Variants in UMAD1 observed in about 807,000 individuals in gnomAD.
UMAD1 encodes UBAP1-MVB12-associated (UMA) domain containing 1, also known as UBAP1-MVB12-associated (UMA)-domain containing protein 1.
UMAD1 carries 8 observed loss-of-function variants against 6.1 expected under a neutral mutation model. That is an observed-to-expected ratio of 1.30 (90% CI 0.76 to 2.35). The LOEUF (loss-of-function observed/expected upper bound fraction) is 2.35. Among genes scored for constraint, UMAD1 ranks in the 30% most tolerant of loss-of-function variants. The pLI is 0.00. For synonymous variants in UMAD1, 56 were observed against 31.4 expected, an observed-to-expected ratio of 1.78 and a Z score of -2.61; for missense variants, 130 against 78.4, an observed-to-expected ratio of 1.66 and a Z score of -2.49.
chr7:7,861,580 T>C (rs1485595328), intron 3 of UMAD1, among the ~76,000 whole-genome samples: 1 of 152,232 alleles, frequency 6.6e-6, no homozygotes, highest in African/African-American at 2.4e-5. Flanking sequence ...CATTGGAATT[T>C]AATTAGTCTA....
At chr7:7,764,646 C>T (rs778221612) in intron 2 of UMAD1, among the ~76,000 whole-genome samples, 4 of 152,190 alleles carry the variant, frequency 2.6e-5, no homozygotes, top group South Asian at 4.2e-4. Context: ...GTAACAGTGC[C>T]GGAATTGATT....
chr7:7,731,796 A>G (rs554832632), intron 2 of UMAD1, among the ~76,000 whole-genome samples: 40 of 152,342 alleles, frequency 2.6e-4, no homozygotes, highest in Middle Eastern at 3.4e-3. Context: ...AATGTGTAAA[A>G]GAAGCCTTAA....
chr7:7,793,572 G>T (rs973087795), intron 2 of UMAD1, among the ~76,000 whole-genome samples: 1 of 152,158 alleles, frequency 6.6e-6, no homozygotes, highest in African/African-American at 2.4e-5. Flanking sequence ...TCTTCAAGGT[G>T]CCTGGCTATC....
At chr7:7,652,775 TTTGTTC>T (rs1224770243) in intron 1 of UMAD1, among the ~76,000 whole-genome samples, 10 of 152,184 alleles carry the variant, frequency 6.6e-5, no homozygotes, top group Admixed American at 6.5e-4. Context: ...TTAAAAGAAG[TTTGTTC>T]TTCAATGGGG....
intron 2 of UMAD1, among the ~76,000 whole-genome samples, chr7:7,738,206 G>A (rs1781398087): frequency 1.3e-5 from 2 of 152,144 alleles, no homozygotes; most frequent in Admixed American, 6.5e-5. Flanking sequence ...GTAGGCATTG[G>A]AAGAATTTAG....
intron 2 of UMAD1, among the ~76,000 whole-genome samples, chr7:7,710,084 A>G (rs1338926063): frequency 6.6e-6 from 1 of 152,218 alleles, no homozygotes; most frequent in Non-Finnish European, 1.5e-5. Context: ...CTCACTCAGT[A>G]TCATGTATCT....
intron 3 of UMAD1, among the ~76,000 whole-genome samples, chr7:7,872,130 A>G (rs1784343956): frequency 1.3e-5 from 2 of 152,220 alleles, no homozygotes; most frequent in South Asian, 4.1e-4. Flanking sequence ...GTGTGTTTAG[A>G]AAGCAAAATG....
At chr7:7,874,806 C>T (rs575180931) in intron 3 of UMAD1, among the ~76,000 whole-genome samples, 22 of 152,224 alleles carry the variant, frequency 1.4e-4, no homozygotes, top group African/African-American at 5.1e-4. Context: ...ATTGACAGGA[C>T]GGGGGTTGAT....
chr7:7,761,455 G>A (rs956005920), intron 2 of UMAD1, among the ~76,000 whole-genome samples: 1 of 151,508 alleles, frequency 6.6e-6, no homozygotes, highest in Non-Finnish European at 1.5e-5. Context: ...ACACTTGACT[G>A]CCATCTGCTG....
rs1050085909 is a variant in UMAD1 at position 7,834,025 on chromosome 7, T to C, written c.156+32282T>C. On this transcript the variant is annotated intron_variant, in intron 3 of 3. Transcript: ENST00000682710. Reference sequence around the variant, plus strand: ...TCTTTCTTTTTCTTTTCTTTTTTTTTTTTTTTTTTTTTTTTGAGACGGAGT... The same window carrying C: ...TCTTTCTTTTTCTTTTCTTTTTTTTCTTTTTTTTTTTTTTTGAGACGGAGT... Among the ~76,000 whole-genome samples, 88 of 140,912 alleles carry C rather than the reference T, an allele frequency of 6.2e-4. 2 individuals carry two copies. The highest frequency in any genetic ancestry group is 1.8e-3 in the African/African-American group (68 of 38,010). The allele number at this position is 140,912 out of a possible 152,430, so 92.4% of individuals were successfully genotyped here. A position where few individuals can be genotyped will look rare whatever the true frequency, so the allele number is the denominator to read the frequency against.
intron 2 of UMAD1, among the ~76,000 whole-genome samples, chr7:7,766,561 G>A (rs568881598): frequency 6.6e-6 from 1 of 152,096 alleles, no homozygotes; most frequent in Non-Finnish European, 1.5e-5. Context: ...AATCATACAG[G>A]TGCTGCTTTG....
At chr7:7,726,651 CT>C (rs1288208533) in intron 2 of UMAD1, among the ~76,000 whole-genome samples, 4 of 152,168 alleles carry the variant, frequency 2.6e-5, no homozygotes, top group Non-Finnish European at 1.5e-5. Flanking sequence ...ATTTTGCTTC[CT>C]TTTCCTGTGA....
At chr7:7,731,591 A>G (rs1027197427) in intron 2 of UMAD1, among the ~76,000 whole-genome samples, 1 of 151,848 alleles carries the variant, frequency 6.6e-6, no homozygotes, top group Non-Finnish European at 1.5e-5. Flanking sequence ...TAGGCATTTA[A>G]GTTAATTCGC....
At chr7:7,698,914 G>A (rs1655974221) in intron 2 of UMAD1, among the ~76,000 whole-genome samples, 2 of 149,746 alleles carry the variant, frequency 1.3e-5, no homozygotes, top group South Asian at 4.2e-4. Flanking sequence ...TGTTGCCCAG[G>A]TCTGATAACA....
At chr7:7,800,586 C>G (rs1300081542) in intron 2 of UMAD1, among the ~76,000 whole-genome samples, 3 of 152,110 alleles carry the variant, frequency 2.0e-5, no homozygotes, top group Admixed American at 6.5e-5. Context: ...TTATCCCTCA[C>G]CCTCTCCCAC....
At chr7:7,658,106 C>T (rs1000242601) in intron 1 of UMAD1, among the ~76,000 whole-genome samples, 1 of 152,150 alleles carries the variant, frequency 6.6e-6, no homozygotes, top group Non-Finnish European at 1.5e-5. Context: ...CTTTGGCTCT[C>T]TGTTTGTCTA....
intron 2 of UMAD1, among the ~76,000 whole-genome samples, chr7:7,703,311 G>T (rs971818968): frequency 6.6e-6 from 1 of 152,082 alleles, no homozygotes; most frequent in African/African-American, 2.4e-5. Flanking sequence ...TCTCATTTAA[G>T]GTTGCAGTTT....
At chr7:7,752,149 A>G (rs1445858228) in intron 2 of UMAD1, among the ~76,000 whole-genome samples, 3 of 152,224 alleles carry the variant, frequency 2.0e-5, no homozygotes, top group Non-Finnish European at 4.4e-5. Context: ...CTAAAGCAAC[A>G]AAGATGAATG....
intron 1 of UMAD1, among the ~76,000 whole-genome samples, chr7:7,667,988 C>T (rs757984639): frequency 2.0e-4 from 30 of 152,122 alleles, no homozygotes; most frequent in Non-Finnish European, 4.3e-4. Flanking sequence ...AGTGCAGTGG[C>T]TCACTTTCAC....
Sources: gnomAD v4.1 joint callset for allele counts (sites outside exome capture counted in the v4.1 genomes callset) on GRCh38, gnomAD v4.1.1 for gene constraint, MANE v1.5 for transcripts, NCBI Gene and HGNC (gene_info 2026-07-23, HGNC 2026-07-21) for gene names.